Variants in SH3D19 observed in about 807,000 individuals in gnomAD.
The protein encoded by SH3D19 is SH3 domain-containing protein 19.
Under a neutral mutation model 112.1 loss-of-function variants are expected in SH3D19, and 58 were observed. The observed-to-expected ratio is 0.52, with a 90% confidence interval of 0.42 to 0.64. The LOEUF (loss-of-function observed/expected upper bound fraction) is 0.64, where lower values mean the gene tolerates loss of function less well. SH3D19 is among the 30% of genes least tolerant of loss of function. The pLI is 0.00. For synonymous variants in SH3D19, 391 were observed against 448.5 expected, an observed-to-expected ratio of 0.87 and a Z score of 1.62; for missense variants, 1,090 against 1,263.4, an observed-to-expected ratio of 0.86 and a Z score of 2.08.
At position 151,301,677 on chromosome 4, in the gene SH3D19, C is replaced by T. The variant is rs561888899; in HGVS notation, c.112+23564G>A. Among the ~76,000 whole-genome samples the T allele has an allele frequency of 7.2e-5, 11 of 152,242 alleles. No individual in the cohort carries two copies. The East Asian group carries it at 2.1e-3, about 29-fold the overall frequency. ...CTCCCCAGCCATGCTTCCTGTACAGCCTGCAGAATCATGAACCAATTAAAC... is the reference window on the plus strand; with the variant it reads ...CTCCCCAGCCATGCTTCCTGTACAGTCTGCAGAATCATGAACCAATTAAAC... On this transcript the variant is annotated intron_variant, in intron 1 of 19. Coordinates refer to ENST00000604030, the MANE Select transcript of SH3D19 (RefSeq NM_001378122.1).
chr4:151,213,500 C>T (rs1428399176), intron 2 of SH3D19, among the ~76,000 whole-genome samples: 1 of 151,662 alleles, frequency 6.6e-6, no homozygotes, highest in Non-Finnish European at 1.5e-5. Flanking sequence ...CAAAAATTAG[C>T]CAGGCATGGA....
At chr4:151,282,262 T>TA (rs1342252332) in intron 1 of SH3D19, 1 of 1,613,936 alleles carries the variant, frequency 6.2e-7, no homozygotes, top group Non-Finnish European at 8.5e-7. Flanking sequence ...AGTACCAAGA[T>TA]ACAACGGCAG....
chr4:151,162,174 G>A (rs1383809357), intron 8 of SH3D19, among the ~76,000 whole-genome samples: 8 of 130,826 alleles, frequency 6.1e-5, no homozygotes, highest in African/African-American at 1.5e-4. Context: ...AACAGGCCCC[G>A]GTGTGTGATA....
chr4:151,226,574 C>T (rs1407287690), intron 1 of SH3D19: 4 of 580,896 alleles, frequency 6.9e-6, no homozygotes, highest in African/African-American at 4.1e-5. Context: ...ATCTACCACC[C>T]AGAACATTTC....
rs778769400 is a variant in SH3D19 at position 151,147,960 on chromosome 4, G to A, written c.2044C>T (p.Arg682Cys). 3.7e-6 allele frequency: 6 copies of A among 1,613,660 alleles called. No individual in the cohort carries two copies. Among genetic ancestry groups the A allele is most frequent in the African/African-American group, 1.3e-5 (1 of 74,854 alleles). Residue 682 changes from arginine (R) to cysteine (C), a missense_variant, in exon 11 of 20, where the codon CGT becomes TGT. Arg to Cys is a radical substitution (Grantham distance 180). Coordinates refer to ENST00000604030, the MANE Select transcript of SH3D19 (RefSeq NM_001378122.1). The part of the protein sequence containing the change: ...FKNQDPVLPP[R>C]PKPGHPLYSK... ...TAGAGAGGGTGTCCTGGTTTGGGAC[G>A]AGGGGGTAGCACCGGATCTTGATTT...
At chr4:151,157,285 G>A (rs1240124957) in intron 9 of SH3D19, among the ~76,000 whole-genome samples, 1 of 151,628 alleles carries the variant, frequency 6.6e-6, no homozygotes, top group Admixed American at 6.6e-5. Flanking sequence ...CAAATGATCT[G>A]GGTATTTCTC....
intron 17 of SH3D19, 81 bp from the exon 18 acceptor site, chr4:151,128,437 G>GAAAAA: frequency 8.3e-7 from 1 of 1,211,856 alleles, no homozygotes. Flanking sequence ...AAGTAGTGGG[G>GAAAAA]AAAAAAAAAC....
At chr4:151,235,107 G>A (rs1391997850) in intron 1 of SH3D19, among the ~76,000 whole-genome samples, 2 of 151,814 alleles carry the variant, frequency 1.3e-5, no homozygotes, top group East Asian at 3.9e-4. Context: ...TGTTTCAAAG[G>A]GGTTTGGTGT....
intron 7 of SH3D19, among the ~76,000 whole-genome samples, chr4:151,173,094 G>A (rs1357128879): frequency 6.6e-6 from 1 of 152,148 alleles, no homozygotes; most frequent in Non-Finnish European, 1.5e-5. Flanking sequence ...TTTTGAAGAT[G>A]ACTATAATTA....
intron 1 of SH3D19, among the ~76,000 whole-genome samples, chr4:151,246,665 G>A (rs752294583): frequency 2.6e-5 from 4 of 151,894 alleles, no homozygotes; most frequent in Non-Finnish European, 5.9e-5. Context: ...GATCATATTC[G>A]ACATTGTCAG....
chr4:151,138,974 T>C (rs1561212933), intron 13 of SH3D19, among the ~76,000 whole-genome samples: 1 of 151,786 alleles, frequency 6.6e-6, no homozygotes, highest in East Asian at 1.9e-4. Flanking sequence ...ATTACAGGCA[T>C]GCGTCACCAT....
At chr4:151,158,686 A>C (rs1756593229) in intron 9 of SH3D19, among the ~76,000 whole-genome samples, 1 of 151,794 alleles carries the variant, frequency 6.6e-6, no homozygotes, top group African/African-American at 2.4e-5. Context: ...GAAGACCAAA[A>C]AAAAAAAATA....
intron 9 of SH3D19, among the ~76,000 whole-genome samples, chr4:151,157,225 C>T (rs1484628215): frequency 6.6e-6 from 1 of 151,412 alleles, no homozygotes; most frequent in Non-Finnish European, 1.5e-5. Context: ...GCACTCCAGC[C>T]CAGGAGACAG....
chr4:151,205,569 T>C (rs1764990150), intron 2 of SH3D19, among the ~76,000 whole-genome samples: 1 of 152,192 alleles, frequency 6.6e-6, no homozygotes, highest in Admixed American at 6.5e-5. Context: ...CATTATTGGA[T>C]TGGATGATCT....
chr4:151,149,400 A>C, intron 10 of SH3D19, 100 bp downstream of exon 10: 1 of 916,508 alleles, frequency 1.1e-6, no homozygotes, highest in Non-Finnish European at 1.7e-6. Flanking sequence ...TTTTATCTCT[A>C]AAAAAAGATT....
chr4:151,234,920 C>CT (rs1439123484), intron 1 of SH3D19, among the ~76,000 whole-genome samples: 1 of 151,540 alleles, frequency 6.6e-6, no homozygotes, highest in Admixed American at 6.6e-5. Context: ...ATTAAAAAAA[C>CT]TTTTTTTCTT....
chr4:151,213,227 G>A (rs909699281), intron 2 of SH3D19, among the ~76,000 whole-genome samples: 3 of 152,198 alleles, frequency 2.0e-5, no homozygotes, highest in African/African-American at 7.2e-5. Flanking sequence ...GATTTAACAG[G>A]ATTGGCTCCA....
chr4:151,192,663 G>C (rs1175879823), intron 2 of SH3D19, among the ~76,000 whole-genome samples: 5 of 152,136 alleles, frequency 3.3e-5, no homozygotes. Flanking sequence ...CTCCTATGAA[G>C]CCAAAGCAAT....
intron 9 of SH3D19, among the ~76,000 whole-genome samples, chr4:151,150,214 T>TAA (rs1754721702): frequency 2.1e-5 from 1 of 46,560 alleles, no homozygotes. Flanking sequence ...AAAATATATA[T>TAA]ATATATATAT....
Sources: gnomAD v4.1 joint callset for allele counts (sites outside exome capture counted in the v4.1 genomes callset) on GRCh38, gnomAD v4.1.1 for gene constraint, MANE v1.5 for transcripts, NCBI Gene and HGNC (gene_info 2026-07-23, HGNC 2026-07-21) for gene names.